The following SAXO1 variants were observed in gnomAD, a reference collection of about 807,000 sequenced individuals.
The protein encoded by SAXO1 is stabilizer of axonemal microtubules 1.
Under a neutral mutation model 17.5 loss-of-function variants are expected in SAXO1, and 21 were observed. The ratio of observed to expected loss-of-function variants is 1.20; its 90% confidence interval spans 0.85 to 1.72. The LOEUF is 1.72. Ranked by LOEUF, SAXO1 falls within the 40% of genes most tolerant of loss-of-function variation. The pLI is 0.00. For synonymous variants in SAXO1, 274 were observed against 216.5 expected (o/e 1.27, Z -2.33); for missense variants, 843 against 596.0 (o/e 1.41, Z -4.32).
chr9:18,994,236 G>A (rs1833921879), intron 1 of SAXO1, among the ~76,000 whole-genome samples: 4 of 152,148 alleles, frequency 2.6e-5, no homozygotes, highest in South Asian at 4.1e-4. Context: ...GTGTGTTTGT[G>A]TACGTGTGTT....
chr9:19,000,507 T>G (rs73433240), intron 1 of SAXO1, among the ~76,000 whole-genome samples: 1 of 150,762 alleles, frequency 6.6e-6, no homozygotes, highest in Admixed American at 6.6e-5. Context: ...GTCTGGGAAG[T>G]GAGGGGTGCC....
chr9:19,038,526 A>C, intron 1 of SAXO1, among the ~76,000 whole-genome samples: 1 of 146,122 alleles, frequency 6.8e-6, no homozygotes, highest in Non-Finnish European at 1.5e-5. Context: ...CAAACACCGC[A>C]TGTTCTCACT....
chr9:18,942,215 T>A (rs1831593331), intron 2 of SAXO1, among the ~76,000 whole-genome samples: 1 of 152,224 alleles, frequency 6.6e-6, no homozygotes, highest in African/African-American at 2.4e-5. Context: ...CACCATAATG[T>A]GGCCAGAATA....
intron 2 of SAXO1, among the ~76,000 whole-genome samples, chr9:18,944,902 G>A (rs1449578135): frequency 6.6e-6 from 1 of 152,118 alleles, no homozygotes; most frequent in African/African-American, 2.4e-5. Flanking sequence ...ATATATTAGT[G>A]TGTCCAAGTA....
At chr9:18,971,436 TATA>T (rs1261457040) in intron 1 of SAXO1, among the ~76,000 whole-genome samples, 14 of 151,816 alleles carry the variant, frequency 9.2e-5, no homozygotes, top group Non-Finnish European at 2.1e-4. Context: ...CCAAATCCCC[TATA>T]ATGTCACTAA....
chr9:18,958,806 G>A (rs999153850), intron 1 of SAXO1, among the ~76,000 whole-genome samples: 3 of 152,030 alleles, frequency 2.0e-5, no homozygotes, highest in Admixed American at 6.6e-5. Context: ...AGAATCATAC[G>A]TTTGGAAGAC....
Position 18,927,879 on chromosome 9 carries a change from T to C in SAXO1, c.*173A>G, listed in dbSNP as rs1830830078. ...GAGTTAATTAGCCGGTGATTAAATGTCATTTTCCCTGAGTCAAGTGATTCT... is the reference window on the plus strand; with the variant it reads ...GAGTTAATTAGCCGGTGATTAAATGCCATTTTCCCTGAGTCAAGTGATTCT... On this transcript the variant is annotated 3_prime_UTR_variant, in exon 4 of 4. Transcript: ENST00000380534. 2 of 656,540 alleles carry C rather than the reference T, an allele frequency of 3.0e-6. No individual in the cohort carries two copies. Among genetic ancestry groups the C allele is most frequent in the Admixed American group, 3.3e-5 (1 of 30,182 alleles). The allele number at this position is 656,540 out of a possible 1,614,324, so 40.7% of individuals were successfully genotyped here.
chr9:19,048,980 G>A (rs1174676232), intron 1 of SAXO1, among the ~76,000 whole-genome samples: 1 of 152,206 alleles, frequency 6.6e-6, no homozygotes, highest in Non-Finnish European at 1.5e-5. Context: ...CACTTTCCGC[G>A]CCTGCACAGT....
At chr9:18,936,638 C>G (rs895231710) in intron 3 of SAXO1, among the ~76,000 whole-genome samples, 1 of 152,204 alleles carries the variant, frequency 6.6e-6, no homozygotes, top group Non-Finnish European at 1.5e-5. Context: ...CCTGAAAAAC[C>G]TCAGAATTTC....
intron 1 of SAXO1, among the ~76,000 whole-genome samples, chr9:18,954,511 A>C (rs1026496143): frequency 6.6e-6 from 1 of 151,856 alleles, no homozygotes; most frequent in Non-Finnish European, 1.5e-5. Context: ...TAATTTTTGT[A>C]TTTTCTGTAG....
intron 3 of SAXO1, among the ~76,000 whole-genome samples, chr9:18,933,897 T>C (rs997083961): frequency 1.3e-5 from 2 of 152,056 alleles, no homozygotes; most frequent in Admixed American, 6.5e-5. Flanking sequence ...ATACAACAAA[T>C]TAGCCAGGCG....
At chr9:18,951,087 A>G (rs892107760) in intron 1 of SAXO1, 150 bp from the exon 2 acceptor site, 15 of 765,650 alleles carry the variant, frequency 2.0e-5, no homozygotes, top group African/African-American at 1.8e-5. Flanking sequence ...TTTTTCCACT[A>G]AACTACGTGA....
chr9:18,983,260 C>T (rs796783267), intron 1 of SAXO1, among the ~76,000 whole-genome samples: 14 of 152,238 alleles, frequency 9.2e-5, no homozygotes, highest in South Asian at 4.1e-4. Context: ...GAAGGGGAAG[C>T]AAGGCATGTC....
chr9:18,964,844 T>C (rs6475286), intron 1 of SAXO1, among the ~76,000 whole-genome samples: 27,816 of 152,180 alleles, frequency 0.18, 5,359 homozygotes, highest in African/African-American at 0.49. Context: ...TTAATTGTGA[T>C]GTTAGGGCAT....
chr9:19,042,590 C>A (rs1836103042), intron 1 of SAXO1, among the ~76,000 whole-genome samples: 1 of 152,190 alleles, frequency 6.6e-6, no homozygotes, highest in African/African-American at 2.4e-5. Flanking sequence ...GGGCCAGGTG[C>A]AGTGGCTCAC....
chr9:18,982,832 AT>A (rs1161824188), intron 1 of SAXO1, among the ~76,000 whole-genome samples: 1 of 152,226 alleles, frequency 6.6e-6, no homozygotes, highest in African/African-American at 2.4e-5. Context: ...GCCTGTGATC[AT>A]TTATGGAGAT....
upstream of SAXO1, among the ~76,000 whole-genome samples, chr9:19,034,100 G>C (rs975182796): frequency 2.0e-5 from 3 of 152,152 alleles, no homozygotes; most frequent in Non-Finnish European, 2.9e-5. Context: ...CAGTTGTTTG[G>C]ACTTAAAACA....
At chr9:18,945,893 G>A (rs548630416) in intron 2 of SAXO1, among the ~76,000 whole-genome samples, 3 of 152,162 alleles carry the variant, frequency 2.0e-5, no homozygotes, top group Non-Finnish European at 4.4e-5. Flanking sequence ...AAGATTCAAA[G>A]CTTCCAGCCT....
chr9:18,933,405 TAAAAG>T lies in SAXO1; in HGVS notation c.422-4355_422-4351del, dbSNP rs551865634. ...TTCTGTAATTGTCTTTTAAATGAAT[TAAAAG>T]AAAAAAATATCTTTTTAATGATTTA... is the stretch of plus-strand genomic sequence containing the variant. On this transcript the variant is annotated intron_variant, in intron 3 of 3. Transcript: ENST00000380534. 4.5e-3 allele frequency among the ~76,000 whole-genome samples: 681 copies of T among 152,154 alleles called. 2 individuals are homozygous for T. The highest frequency in any genetic ancestry group is 7.2e-3 in the Non-Finnish European group (492 of 67,988).
Sources: gnomAD v4.1 joint callset for allele counts (sites outside exome capture counted in the v4.1 genomes callset) on GRCh38, gnomAD v4.1.1 for gene constraint, MANE v1.5 for transcripts, NCBI Gene and HGNC (gene_info 2026-07-23, HGNC 2026-07-21) for gene names.